ITGA1: variants seen among roughly 807,000 people sequenced by gnomAD.
ITGA1 encodes integrin subunit alpha 1, also known as integrin alpha-1.
ITGA1 carries 85 observed loss-of-function variants against 145.9 expected under a neutral mutation model. The ratio of observed to expected loss-of-function variants is 0.58; its 90% confidence interval spans 0.49 to 0.70. The LOEUF (loss-of-function observed/expected upper bound fraction) is 0.70. ITGA1 is among the 30% of genes least tolerant of loss of function. The pLI, the probability that ITGA1 is intolerant of heterozygous loss-of-function variation, is 0.00. For synonymous variants in ITGA1, 520 were observed against 495.3 expected, an observed-to-expected ratio of 1.05 and a Z score of -0.66; for missense variants, 1,351 against 1,418.7, an observed-to-expected ratio of 0.95 and a Z score of 0.77.
At chr5:52,794,071 T>C (rs565540468) in intron 1 of ITGA1, among the ~76,000 whole-genome samples, 3 of 152,062 alleles carry the variant, frequency 2.0e-5, no homozygotes, top group East Asian at 1.9e-4. Flanking sequence ...ATTCACTTTA[T>C]GTGTTAAAAA....
At chr5:52,827,396 T>C (rs1488869981) in intron 1 of ITGA1, among the ~76,000 whole-genome samples, 1 of 152,194 alleles carries the variant, frequency 6.6e-6, no homozygotes, top group Non-Finnish European at 1.5e-5. Flanking sequence ...CTGGTGAAGA[T>C]GCTGTCAACA....
intron 7 of ITGA1, 71 bp downstream of exon 7, chr5:52,882,092 A>G (rs1453272652): frequency 1.5e-6 from 2 of 1,318,276 alleles, no homozygotes; most frequent in African/African-American, 1.5e-5. Flanking sequence ...GCCTTTTGGC[A>G]TATCAATTGA....
intron 22 of ITGA1, chr5:52,933,432 C>T (rs550631059): frequency 1.3e-5 from 2 of 152,136 alleles, no homozygotes; most frequent in East Asian, 3.9e-4. Flanking sequence ...TACTATTTTA[C>T]TCTACCAAGT....
chr5:52,886,376 A>G (rs781135757), intron 7 of ITGA1, among the ~76,000 whole-genome samples: 1 of 152,220 alleles, frequency 6.6e-6, no homozygotes, highest in South Asian at 2.1e-4. Context: ...CTTCCTGCTT[A>G]AAGATATCAG....
In ITGA1 at chr5:52,788,158, C is replaced by T; in HGVS notation, c.-196C>T. 2.2e-6 allele frequency: 1 copy of T among 455,760 alleles called. No homozygotes were observed. The highest frequency in any genetic ancestry group is 3.7e-5 in the South Asian group (1 of 27,340). 28.2% of individuals were successfully genotyped at this position (455,760 alleles called of 1,614,324 possible). A position where few individuals can be genotyped will look rare whatever the true frequency, so the allele number is the denominator to read the frequency against. ...GGCAATCCGTCTGGGATGTGAAAAG[C>T]GTGGAGCGCATTTAGAGGAATTCGA... On this transcript the variant is annotated 5_prime_UTR_variant, in exon 1 of 29. Transcript: ENST00000282588.
At chr5:52,796,122 T>A (rs1398427515) in intron 1 of ITGA1, among the ~76,000 whole-genome samples, 1 of 151,974 alleles carries the variant, frequency 6.6e-6, no homozygotes, top group African/African-American at 2.4e-5. Flanking sequence ...ATTATTGAAT[T>A]CAATTCCCTC....
intron 6 of ITGA1, among the ~76,000 whole-genome samples, chr5:52,869,912 A>G (rs1749753103): frequency 6.6e-6 from 1 of 152,164 alleles, no homozygotes; most frequent in Non-Finnish European, 1.5e-5. Flanking sequence ...GAAAGGACAT[A>G]TTTACCAAGC....
intron 1 of ITGA1, among the ~76,000 whole-genome samples, chr5:52,796,230 T>C (rs978585002): frequency 1.1e-4 from 17 of 151,938 alleles, no homozygotes; most frequent in African/African-American, 4.1e-4. Context: ...TCCAGGATGC[T>C]TGACTTCTAG....
intron 14 of ITGA1, among the ~76,000 whole-genome samples, chr5:52,913,778 C>G (rs565719276): frequency 6.6e-6 from 1 of 152,152 alleles, no homozygotes; most frequent in Non-Finnish European, 1.5e-5. Context: ...CTCTCAAAAT[C>G]TATTCATGTA....
At position 52,957,797 on chromosome 5, in the gene ITGA1, A is replaced by G. The variant is rs138232562; in HGVS notation, c.*5346A>G. 1 of 152,318 alleles carries G rather than the reference A, an allele frequency of 6.6e-6. No homozygotes were observed. Among genetic ancestry groups the G allele is most frequent in the African/African-American group, 2.4e-5 (1 of 41,556 alleles). 9.4% of individuals were successfully genotyped at this position (152,318 alleles called of 1,614,324 possible). A position where few individuals can be genotyped will look rare whatever the true frequency, so the allele number is the denominator to read the frequency against. ...CACACCAGGGAAATCTTGGCAATCAACTAAGGACCTGTGACACTCATAACT... is the reference window on the plus strand; with the variant it reads ...CACACCAGGGAAATCTTGGCAATCAGCTAAGGACCTGTGACACTCATAACT... On this transcript the variant is annotated 3_prime_UTR_variant, in exon 29 of 29. Transcript: ENST00000282588.
chr5:52,911,103 T>C (rs1474226770), intron 14 of ITGA1, among the ~76,000 whole-genome samples: 1 of 133,260 alleles, frequency 7.5e-6, no homozygotes, highest in African/African-American at 2.7e-5. Context: ...ATATATAGTG[T>C]ATATATAGTA....
chr5:52,918,763 A>G lies in ITGA1; in HGVS notation c.2020A>G (p.Met674Val). ...SRDVAVVKVT[M>V]NFEPNKVNIQ... ...AGATGTGGCCGTAGTTAAAGTGACC[A>G]TGAATTTTGAGCCAAATAAAGTGAA... Residue 674 changes from methionine to valine, a missense_variant, in exon 16 of 29, where the codon ATG becomes GTG. Met to Val is a conservative substitution (Grantham distance 21). Coordinates refer to ENST00000282588, the MANE Select transcript of ITGA1 (RefSeq NM_181501.2). 1 of 1,612,052 alleles carries G rather than the reference A, an allele frequency of 6.2e-7. No individual in the cohort carries two copies. Among genetic ancestry groups the G allele is most frequent in the East Asian group, 2.2e-5 (1 of 44,824 alleles).
At chr5:52,892,847 G>T (rs1318395947) in intron 8 of ITGA1, among the ~76,000 whole-genome samples, 1 of 151,930 alleles carries the variant, frequency 6.6e-6, no homozygotes, top group Non-Finnish European at 1.5e-5. Context: ...GGGAGGAAGG[G>T]ATTGACTATA....
intron 1 of ITGA1, among the ~76,000 whole-genome samples, chr5:52,813,941 G>C (rs6450089): frequency 0.26 from 39,935 of 152,006 alleles, 5,534 homozygotes; most frequent in Non-Finnish European, 0.3. Flanking sequence ...GGAACTGGTA[G>C]ACTGTGCTGT....
chr5:52,787,981 A>T lies in ITGA1; in HGVS notation c.-373A>T. Reference sequence around the variant, plus strand: ...CGAGATCACCCTCTCAATGAAAGGCAGATGTCCCTTTAAGGTTTGCTTCTA... The same window carrying T: ...CGAGATCACCCTCTCAATGAAAGGCTGATGTCCCTTTAAGGTTTGCTTCTA... On this transcript the variant is annotated 5_prime_UTR_variant, in exon 1 of 29. It introduces an in-frame stop codon into an upstream open reading frame of the 5' UTR. Coordinates refer to ENST00000282588, the MANE Select transcript of ITGA1 (RefSeq NM_181501.2). 4.8e-6 allele frequency: 1 copy of T among 209,716 alleles called. No individual in the cohort carries two copies. Among genetic ancestry groups the T allele is most frequent in the Non-Finnish European group, 9.4e-6 (1 of 105,934 alleles). 13.0% of individuals were successfully genotyped at this position (209,716 alleles called of 1,614,324 possible). A position where few individuals can be genotyped will look rare whatever the true frequency, so the allele number is the denominator to read the frequency against.
chr5:52,859,103 A>G (rs1195931986), intron 2 of ITGA1, among the ~76,000 whole-genome samples: 1 of 152,168 alleles, frequency 6.6e-6, no homozygotes, highest in Non-Finnish European at 1.5e-5. Context: ...TAAATTCAAT[A>G]AAGCCTAGCT....
chr5:52,839,758 T>A (rs1749224052), intron 1 of ITGA1, among the ~76,000 whole-genome samples: 1 of 152,164 alleles, frequency 6.6e-6, no homozygotes, highest in Admixed American at 6.5e-5. Flanking sequence ...TATACAAGGT[T>A]AAAGAAATGA....
chr5:52,802,895 TAATTATGG>T (rs1350691422), intron 1 of ITGA1: 1 of 152,224 alleles, frequency 6.6e-6, no homozygotes, highest in Non-Finnish European at 1.5e-5. Flanking sequence ...CTCTTTACTA[TAATTATGG>T]AATTGTGCAA....
At chr5:52,941,666 C>T (rs540064707) in intron 26 of ITGA1, among the ~76,000 whole-genome samples, 2 of 152,096 alleles carry the variant, frequency 1.3e-5, no homozygotes, top group African/African-American at 4.8e-5. Flanking sequence ...GTTCCTTATT[C>T]TGGATATTAG....
Sources: gnomAD v4.1 joint callset for allele counts (sites outside exome capture counted in the v4.1 genomes callset) on GRCh38, gnomAD v4.1.1 for gene constraint, MANE v1.5 for transcripts, NCBI Gene and HGNC (gene_info 2026-07-23, HGNC 2026-07-21) for gene names.